The following ATP1A3 variants were observed in gnomAD, a reference collection of about 807,000 sequenced individuals.
The protein encoded by ATP1A3 is sodium/potassium-transporting ATPase subunit alpha-3.
Under a neutral mutation model 108.8 loss-of-function variants are expected in ATP1A3, and 12 were observed. The ratio of observed to expected loss-of-function variants is 0.11; its 90% CI spans 0.07 to 0.18. ATP1A3 has a LOEUF of 0.18. Ranked by LOEUF, ATP1A3 falls within the 10% of genes least tolerant of loss-of-function variation. The pLI, the probability that ATP1A3 is intolerant of heterozygous loss-of-function variation, is 1.00. For missense variants in ATP1A3, 498 were observed against 1,387.7 expected (o/e 0.36, Z 10.19); for synonymous variants, 539 against 564.5 (o/e 0.95, Z 0.64).
intron 15 of ATP1A3, 48 bp from the exon 16 acceptor site, chr19:41,975,845 G>T: frequency 2.5e-6 from 4 of 1,612,142 alleles, no homozygotes; most frequent in Non-Finnish European, 3.4e-6. Flanking sequence ...AGTCCCCAGA[G>T]TCCCCTCCCT....
chr19:41,972,871 A>AAAGAAGGCAGGC (rs1555860248), intron 16 of ATP1A3, among the ~76,000 whole-genome samples: 1 of 133,308 alleles, frequency 7.5e-6, no homozygotes, highest in African/African-American at 2.9e-5. Context: ...AGAAGGAAGG[A>AAAGAAGGCAGGC]AGGCAGGCAG....
chr19:41,990,414 A>T (rs1422513623), intron 1 of ATP1A3, among the ~76,000 whole-genome samples: 12 of 82,732 alleles, frequency 1.5e-4, no homozygotes, highest in African/African-American at 1.5e-4. Flanking sequence ...TATATCTCTC[A>T]TTCTCTTTCT....
Position 41,985,777 on chromosome 19 carries a change from A to T in ATP1A3, c.606+87T>A, listed in dbSNP as rs149211788. 1.7e-5 allele frequency: 27 copies of T among 1,576,092 alleles called. No homozygotes were observed. The African/African-American group carries it at 3.2e-4, about 19-fold the overall frequency. ...TGAGGGAGGAGGGGTTGGGACCTGG[A>T]CTCCTGAGTGTGAGGGAGGAGGGGC... On this transcript the variant is annotated intron_variant, in intron 6 of 22. Coordinates refer to ENST00000648268, the MANE Select transcript of ATP1A3 (RefSeq NM_152296.5). The surrounding 1 kb of genome is among the most constrained non-coding windows in gnomAD (Gnocchi z 8.2).
chr19:41,973,343 C>A (rs2075133332), intron 16 of ATP1A3, among the ~76,000 whole-genome samples: 1 of 152,214 alleles, frequency 6.6e-6, no homozygotes, highest in South Asian at 2.1e-4. Flanking sequence ...GCAGCCTCGA[C>A]CACCCAGGCT....
At chr19:41,969,662 G>C (rs1239904041) in intron 18 of ATP1A3, 82 bp from the exon 19 acceptor site, 1 of 1,570,310 alleles carries the variant, frequency 6.4e-7, no homozygotes, top group Non-Finnish European at 8.7e-7. Context: ...GGGCCCGGAG[G>C]CCTCCTTGGA....
At position 41,978,084 on chromosome 19, in the gene ATP1A3, G is replaced by A; in HGVS notation, c.1807-12C>T. The stretch of plus-strand genomic sequence containing the variant: ...GTGACCATGATGACCTGCAGGCATT[G>A]TTTTTTAGGGATGGCCTCTCCCGCC... On this transcript the variant is annotated splice_polypyrimidine_tract_variant and intron_variant, in intron 13 of 22. Coordinates refer to ENST00000648268, the MANE Select transcript of ATP1A3 (RefSeq NM_152296.5). The surrounding 1 kb of genome is among the most constrained non-coding windows in gnomAD (Gnocchi z 8.3). 1 of 1,614,234 alleles carries A rather than the reference G, an allele frequency of 6.2e-7. No homozygotes were observed.
chr19:41,993,534 CACACACACACA>C, intron 1 of ATP1A3: 2 of 1,278,714 alleles, frequency 1.6e-6, no homozygotes, highest in South Asian at 2.8e-5. Flanking sequence ...CACACACACA[CACACACACACA>C]CACACTGCGG....
In ATP1A3 at chr19:41,970,439, C is replaced by T. The variant is rs372737275; in HGVS notation, c.2367G>A (p.Pro789=). ...PFLLFIMANI[P]LPLGTITILC... is the part of the protein sequence containing the mutation. Reference sequence around the variant, plus strand: ...GGATGGTGATGGTGCCCAGGGGCAGCGGGATGTTGGCCATGATGAACAGCA... The same window carrying T: ...GGATGGTGATGGTGCCCAGGGGCAGTGGGATGTTGGCCATGATGAACAGCA... Residue 789 remains proline, a synonymous_variant, in exon 17 of 23, where the codon CCG becomes CCA. Coordinates refer to ENST00000648268, the MANE Select transcript of ATP1A3 (RefSeq NM_152296.5). The T allele has an allele frequency of 5.1e-5, 82 of 1,614,004 alleles. 1 individual carries two copies. Among genetic ancestry groups the T allele is most frequent in the East Asian group, 2.2e-4 (10 of 44,870 alleles).
chr19:41,970,057 T>C, intron 18 of ATP1A3, 128 bp downstream of exon 18: 1 of 1,474,556 alleles, frequency 6.8e-7, no homozygotes, highest in Non-Finnish European at 9.4e-7. Flanking sequence ...CACAGATAGC[T>C]CACTGGTTGG....
At chr19:41,993,459 C>T in intron 1 of ATP1A3, 1 of 1,532,722 alleles carries the variant, frequency 6.5e-7, no homozygotes, top group Admixed American at 2.0e-5. Context: ...AGGGGCTGCA[C>T]ACACACACAC....
chr19:41,973,882 G>A (rs770477323), intron 16 of ATP1A3, among the ~76,000 whole-genome samples: 9 of 152,122 alleles, frequency 5.9e-5, no homozygotes, highest in Non-Finnish European at 1.3e-4. Context: ...GGTGGCTCAT[G>A]CCTGTAATCC....
chr19:41,990,530 C>T (rs1220332395), intron 1 of ATP1A3, among the ~76,000 whole-genome samples: 4 of 144,342 alleles, frequency 2.8e-5, no homozygotes, highest in East Asian at 2.1e-4. Flanking sequence ...TCAAATCTTC[C>T]GTCCCCCTCC....
At chr19:41,992,480 G>T (rs1038830647) in intron 1 of ATP1A3, among the ~76,000 whole-genome samples, 1 of 152,078 alleles carries the variant, frequency 6.6e-6, no homozygotes, top group Non-Finnish European at 1.5e-5. Flanking sequence ...CGCCTGGGCC[G>T]GCCTCCCTTC....
chr19:41,994,037 C>T, intron 1 of ATP1A3, 34 bp downstream of exon 1: 1 of 1,609,386 alleles, frequency 6.2e-7, no homozygotes, highest in Non-Finnish European at 8.5e-7. Context: ...CACAATGTCA[C>T]ACGGAAGCGG....
intron 16 of ATP1A3, 51 bp from the exon 17 acceptor site, chr19:41,970,593 C>T: frequency 1.9e-6 from 3 of 1,605,758 alleles, no homozygotes; most frequent in African/African-American, 2.7e-5. Flanking sequence ...GAGCCCCACT[C>T]CCTCTGCCCC....
chr19:41,978,803 G>T lies in ATP1A3; in HGVS notation c.1438-5C>A. On this transcript the variant is annotated splice_region_variant and splice_polypyrimidine_tract_variant and intron_variant, in intron 11 of 22. Transcript: ENST00000648268. The surrounding 1 kb of genome is among the most constrained non-coding windows in gnomAD (Gnocchi z 8.3). ...CTCGGTCTCATGGATGGAGAGCTGG[G>T]GACCGATCAGAGGGTGGCGTGCCTG... 6.2e-7 allele frequency: 1 copy of T among 1,613,644 alleles called. No individual in the cohort carries two copies. Among genetic ancestry groups the T allele is most frequent in the Non-Finnish European group, 8.5e-7 (1 of 1,179,830 alleles).
Position 41,994,198 on chromosome 19 carries a change from C to G in ATP1A3, c.-122G>C. Reference sequence around the variant, plus strand: ...CGCCTCGGTAGGTGCGCGCGTCCGTCCGTCCGTCCGTTGGTCCCACCGCAC... The same window carrying G: ...CGCCTCGGTAGGTGCGCGCGTCCGTGCGTCCGTCCGTTGGTCCCACCGCAC... On this transcript the variant is annotated 5_prime_UTR_variant, in exon 1 of 23. Coordinates refer to ENST00000648268, the MANE Select transcript of ATP1A3 (RefSeq NM_152296.5). 1 of 923,910 alleles carries G rather than the reference C, an allele frequency of 1.1e-6. No individual in the cohort carries two copies. Among genetic ancestry groups the G allele is most frequent in the Non-Finnish European group, 1.5e-6 (1 of 661,344 alleles). 57.2% of individuals were successfully genotyped at this position (923,910 alleles called of 1,614,324 possible). A position where few individuals can be genotyped will look rare whatever the true frequency, so the allele number is the denominator to read the frequency against.
intron 1 of ATP1A3, among the ~76,000 whole-genome samples, chr19:41,990,262 ACTCT>A (rs781951180): frequency 7.9e-6 from 1 of 126,270 alleles, no homozygotes; most frequent in African/African-American, 3.0e-5. Flanking sequence ...TCTCTCTCCC[ACTCT>A]CTCTCTCTGG....
Position 41,975,778 on chromosome 19 carries a change from G to C in ATP1A3, c.2114C>G (p.Thr705Ser). The change falls in exon 16 of 23, where the codon ACC becomes AGC. Residue 705 changes from threonine to serine, a missense_variant. Physicochemically the swap from Thr to Ser is moderately conservative, Grantham distance 58 (BLOSUM62 1). This residue lies in a region of ATP1A3 where 121 missense variants were observed against 425.1 expected (regional missense o/e 0.28). Transcript: ENST00000648268. ...GGGGGAGTCGTTCACACCATCCCCG[G>C]TCACAGCCACAATTGCACCCTGGAG... ...CQRQGAIVAV[T>S]GDGVNDSPAL... The C allele has an allele frequency of 6.2e-7, 1 of 1,614,044 alleles. No individual in the cohort carries two copies. The highest frequency in any genetic ancestry group is 8.5e-7 in the Non-Finnish European group (1 of 1,179,970).
Sources: allele counts gnomAD v4.1 joint callset (sites outside exome capture counted in the v4.1 genomes callset), GRCh38; gene constraint gnomAD v4.1.1; regional missense constraint gnomAD v4.1.1; non-coding constraint Gnocchi (gnomAD v3.1); transcripts MANE v1.5; gene names NCBI Gene and HGNC (gene_info 2026-07-23, HGNC 2026-07-21).